NCAM2: variants seen among roughly 807,000 people sequenced by gnomAD.
NCAM2 encodes the protein neural cell adhesion molecule 2.
Under a neutral mutation model 98.1 loss-of-function variants are expected in NCAM2, and 30 were observed. The observed-to-expected ratio is 0.31, with a 90% CI of 0.23 to 0.41. The LOEUF (loss-of-function observed/expected upper bound fraction) is 0.41, where lower values mean the gene tolerates loss of function less well. Ranked by LOEUF, NCAM2 falls within the 10% of genes least tolerant of loss-of-function variation. NCAM2 has a pLI of 1.00. For synonymous variants in NCAM2, 368 were observed against 342.4 expected, an observed-to-expected ratio of 1.07 and a Z score of -0.83; for missense variants, 867 against 1,005.8, an observed-to-expected ratio of 0.86 and a Z score of 1.87.
rs539002434 is a variant in NCAM2, at chr21:21,402,019, C to T, written c.1196-8255C>T. Among the ~76,000 whole-genome samples the T allele has an allele frequency of 2.0e-5, 3 of 152,232 alleles. No individual in the cohort carries two copies. In the East Asian group the frequency reaches 5.8e-4, roughly 29 times the overall value. ...TTCGTAAGCTGAGGATGTAAGTCAC[C>T]TCAGGACCCTGTGATGATTGCGTTA... On this transcript the variant is annotated intron_variant, in intron 9 of 17. Transcript: ENST00000400546.
intron 1 of NCAM2, among the ~76,000 whole-genome samples, chr21:21,201,235 C>T (rs115952464): frequency 6.6e-6 from 1 of 152,008 alleles, no homozygotes; most frequent in African/African-American, 2.4e-5. Flanking sequence ...GTTTATTATC[C>T]AATTTAGAGA....
At chr21:21,369,859 C>A (rs910123641) in intron 8 of NCAM2, among the ~76,000 whole-genome samples, 2 of 150,648 alleles carry the variant, frequency 1.3e-5, no homozygotes, top group African/African-American at 4.9e-5. Flanking sequence ...TTCAACACAG[C>A]TTTTTTTTTC....
rs188383297 is a variant in NCAM2, at chr21:21,521,324, T to C, written c.2282+12269T>C. ...TCTGCCCCACACATTACCTCCAAAT[T>C]ACTAAAGGCCTATTGATTATATTTA... is the stretch of plus-strand genomic sequence containing the variant. On this transcript the variant is annotated intron_variant, in intron 16 of 17. Transcript: ENST00000400546. Among the ~76,000 whole-genome samples the C allele has an allele frequency of 1.7e-3, 262 of 152,182 alleles. 2 individuals are homozygous for C. The highest frequency in any genetic ancestry group is 6.1e-3 in the African/African-American group (253 of 41,530).
chr21:21,183,703 G>A lies in NCAM2; in HGVS notation c.56-96875G>A, dbSNP rs559178644. ...CCCAAGAGATCTCTTTGAGAAATTC[G>A]TATGATTATAATGTAGATGAGTCTC... On this transcript the variant is annotated intron_variant, in intron 1 of 17. Coordinates refer to ENST00000400546, the MANE Select transcript of NCAM2 (RefSeq NM_004540.5). 5.9e-5 allele frequency among the ~76,000 whole-genome samples: 9 copies of A among 152,114 alleles called. No individual in the cohort carries two copies. In the South Asian group the frequency reaches 8.3e-4, roughly 14 times the overall value.
chr21:21,126,132 C>T (rs1200613548), intron 1 of NCAM2, among the ~76,000 whole-genome samples: 1 of 142,976 alleles, frequency 7.0e-6, no homozygotes, highest in Non-Finnish European at 1.5e-5. Context: ...TTCTTAGAAA[C>T]ATAAATAAAT....
intron 1 of NCAM2, among the ~76,000 whole-genome samples, chr21:21,225,204 A>G (rs2070331846): frequency 6.6e-6 from 1 of 152,130 alleles, no homozygotes; most frequent in South Asian, 2.1e-4. Context: ...GGAGCTGAAC[A>G]ATGAGAACAC....
chr21:21,347,025 AC>A (rs1568961200), intron 8 of NCAM2, among the ~76,000 whole-genome samples: 1 of 151,918 alleles, frequency 6.6e-6, no homozygotes, highest in Non-Finnish European at 1.5e-5. Flanking sequence ...ATAATGGAGA[AC>A]AGAGCAGAAA....
chr21:21,219,496 T>G (rs1385530763), intron 1 of NCAM2, among the ~76,000 whole-genome samples: 1 of 152,208 alleles, frequency 6.6e-6, no homozygotes, highest in Non-Finnish European at 1.5e-5. Context: ...ATTGTAGACT[T>G]TATTACATCA....
In NCAM2 at chr21:21,239,794, T is replaced by C. The variant is rs537882230; in HGVS notation, c.56-40784T>C. 2.3e-3 allele frequency among the ~76,000 whole-genome samples: 354 copies of C among 152,278 alleles called. 1 individual carries two copies. The highest frequency in any genetic ancestry group is 3.7e-3 in the Non-Finnish European group (253 of 68,026). On this transcript the variant is annotated intron_variant, in intron 1 of 17. Transcript: ENST00000400546. ...GTAAAATTCCCTAATATATAAAATA[T>C]ATACACCTTAAATACAGATGGACTA...
chr21:21,092,673 G>A (rs1159939623), intron 1 of NCAM2, among the ~76,000 whole-genome samples: 3 of 134 alleles, frequency 0.022, no homozygotes, highest in African/African-American at 0.033. Context: ...AGTGAAATAC[G>A]CTAGAAAAAT....
rs573992817 is a variant in NCAM2 at position 21,048,745 on chromosome 21, C to G, written c.55+50127C>G. 2.0e-5 allele frequency among the ~76,000 whole-genome samples: 3 copies of G among 152,298 alleles called. No individual in the cohort carries two copies. In the East Asian group the frequency reaches 5.8e-4, roughly 29 times the overall value. On this transcript the variant is annotated intron_variant, in intron 1 of 17. Transcript: ENST00000400546. ...TCCAACCACCTGGGGCACATGTTCTCAGGACTTCCTGAGGGCTGTGTCACA... is the reference window on the plus strand; with the variant it reads ...TCCAACCACCTGGGGCACATGTTCTGAGGACTTCCTGAGGGCTGTGTCACA...
intron 1 of NCAM2, among the ~76,000 whole-genome samples, chr21:21,051,161 C>T (rs1014574667): frequency 2.0e-5 from 3 of 152,116 alleles, no homozygotes; most frequent in African/African-American, 7.2e-5. Context: ...GAGGTAATAT[C>T]CTTTTTATGG....
At chr21:21,512,857 AT>A (rs1193965655) in intron 16 of NCAM2, among the ~76,000 whole-genome samples, 5 of 151,900 alleles carry the variant, frequency 3.3e-5, no homozygotes, top group Non-Finnish European at 7.4e-5. Context: ...TATAAATGGG[AT>A]TACTTTATTG....
chr21:21,334,259 A>G (rs866257050), intron 6 of NCAM2, among the ~76,000 whole-genome samples: 5 of 151,996 alleles, frequency 3.3e-5, no homozygotes, highest in African/African-American at 1.2e-4. Flanking sequence ...ATGAATCCTA[A>G]TTTTGCAATC....
At chr21:21,379,591 A>G (rs527763598) in intron 9 of NCAM2, among the ~76,000 whole-genome samples, 2 of 152,120 alleles carry the variant, frequency 1.3e-5, no homozygotes, top group Admixed American at 6.6e-5. Flanking sequence ...TTGATTTCTA[A>G]TTTAGTTCAG....
chr21:21,194,665 CTT>C (rs1256951616), intron 1 of NCAM2, among the ~76,000 whole-genome samples: 5 of 151,998 alleles, frequency 3.3e-5, no homozygotes, highest in African/African-American at 9.7e-5. Context: ...GAGACACAAA[CTT>C]GACAGATTTC....
chr21:21,132,273 C>T (rs1601453817), intron 1 of NCAM2, among the ~76,000 whole-genome samples: 1 of 152,210 alleles, frequency 6.6e-6, no homozygotes, highest in Middle Eastern at 3.4e-3. Flanking sequence ...CATAGCCTTC[C>T]CTGACTCCCA....
intron 9 of NCAM2, among the ~76,000 whole-genome samples, chr21:21,392,069 ATTAG>A (rs2076393841): frequency 6.6e-6 from 1 of 152,078 alleles, no homozygotes; most frequent in Non-Finnish European, 1.5e-5. Context: ...CCTAGTACCT[ATTAG>A]TTATTTTTCC....
chr21:21,422,240 T>C lies in NCAM2; in HGVS notation c.1480+3671T>C, dbSNP rs2077125651. ...AAATTCAAATACTGCATGTTCTCACTTGTAAGTGGGAGCTTAACAGTGTGT... is the reference window on the plus strand; with the variant it reads ...AAATTCAAATACTGCATGTTCTCACCTGTAAGTGGGAGCTTAACAGTGTGT... On this transcript the variant is annotated intron_variant, in intron 11 of 17. Coordinates refer to ENST00000400546, the MANE Select transcript of NCAM2 (RefSeq NM_004540.5). Among the ~76,000 whole-genome samples the C allele has an allele frequency of 2.0e-5, 3 of 152,128 alleles. No individual in the cohort carries two copies. In the South Asian group the frequency reaches 6.2e-4, roughly 32 times the overall value.
Sources: allele counts gnomAD v4.1 joint callset (sites outside exome capture counted in the v4.1 genomes callset), GRCh38; gene constraint gnomAD v4.1.1; transcripts MANE v1.5; gene names NCBI Gene and HGNC (gene_info 2026-07-23, HGNC 2026-07-21).